Variants in PADI1 observed in about 807,000 individuals in gnomAD.
The protein encoded by PADI1 is peptidyl arginine deiminase 1.
A neutral mutation model predicts 74.8 loss-of-function variants in PADI1; 65 were observed. The observed-to-expected ratio is 0.87, with a 90% CI of 0.71 to 1.07. The LOEUF (loss-of-function observed/expected upper bound fraction) is 1.07. Ranked by LOEUF, PADI1 falls within the 50% of genes least tolerant of loss-of-function variation. The pLI, the probability that PADI1 is intolerant of heterozygous loss-of-function variation, is 0.00. For missense variants in PADI1, 943 were observed against 854.0 expected (o/e 1.10, Z -1.30); for synonymous variants, 371 against 336.2 (o/e 1.10, Z -1.13).
rs200814655 is a variant in PADI1, at chr1:17,244,162, C to T, written c.1911C>T (p.His637=). 35 of 1,614,112 alleles carry T rather than the reference C, an allele frequency of 2.2e-5. No homozygotes were observed. The highest frequency in any genetic ancestry group is 6.7e-5 in the East Asian group (3 of 44,896). Residue 637 remains histidine (H), a synonymous_variant, in exon 16 of 16, where the codon CAC becomes CAT. Transcript: ENST00000375471. The part of the protein sequence containing the change: ...CIFIDDYLSY[H]ELQGEIHCGT... Reference sequence around the variant, plus strand: ...TCATTGATGACTACTTGTCCTACCACGAGCTGCAGGGGGAGATCCACTGTG... The same window carrying T: ...TCATTGATGACTACTTGTCCTACCATGAGCTGCAGGGGGAGATCCACTGTG...
chr1:17,225,837 C>T lies in PADI1; in HGVS notation c.435C>T (p.Gly145=). 6.2e-7 allele frequency: 1 copy of T among 1,614,092 alleles called. No individual in the cohort carries two copies. The highest frequency in any genetic ancestry group is 8.5e-7 in the Non-Finnish European group (1 of 1,179,986). Residue 145 remains glycine, a synonymous_variant, in exon 5 of 16, where the codon GGC becomes GGT. Coordinates refer to ENST00000375471, the MANE Select transcript of PADI1 (RefSeq NM_013358.3). ...DKKTWRWGPE[G]YGAILLVNCD... ...AAACCTGGCGCTGGGGCCCTGAGGG[C>T]TATGGGGCTATCTTGCTGGTGAACT...
At position 17,228,891 on chromosome 1, in the gene PADI1, G is replaced by A. The variant is rs2072403077; in HGVS notation, c.826-57G>A. 5.1e-6 allele frequency: 8 copies of A among 1,579,274 alleles called. No homozygotes were observed. In the Admixed American group the frequency reaches 1.4e-4, roughly 27 times the overall value. On this transcript the variant is annotated intron_variant, in intron 7 of 15. Transcript: ENST00000375471. ...GCTGGGCAGGCTGGGGGCTGGGGGG[G>A]CTTGAGGCAGGCTAGGGGTCCCTGC...
chr1:17,213,811 G>A (rs1033318320), intron 1 of PADI1, among the ~76,000 whole-genome samples: 6 of 152,208 alleles, frequency 3.9e-5, no homozygotes, highest in African/African-American at 1.4e-4. Context: ...GCGGGCAGGG[G>A]TGGAGAGTAG....
At position 17,222,314 on chromosome 1, in the gene PADI1, C is replaced by T. The variant is rs749121290; in HGVS notation, c.117C>T (p.Ser39=). 68 of 1,613,982 alleles carry T rather than the reference C, an allele frequency of 4.2e-5. No individual in the cohort carries two copies. The highest frequency in any genetic ancestry group is 5.5e-5 in the Non-Finnish European group (65 of 1,179,958). ...GTGATGTGCCCAAGGGTGCCAACAG[C>T]TTCAGGGTCTCTGGAAGCTCCGGGG... ...IHSDVPKGAN[S]FRVSGSSGVE... Residue 39 remains serine, a synonymous_variant, in exon 2 of 16, where the codon AGC becomes AGT. Coordinates refer to ENST00000375471, the MANE Select transcript of PADI1 (RefSeq NM_013358.3).
At chr1:17,215,720 G>A (rs868447346) in intron 1 of PADI1, among the ~76,000 whole-genome samples, 3 of 152,180 alleles carry the variant, frequency 2.0e-5, no homozygotes, top group East Asian at 1.9e-4. Flanking sequence ...ATCCTGAGTC[G>A]CTGTGTCCTT....
rs116788757 is a variant in PADI1, at chr1:17,241,359, G to A, written c.1758+599G>A. Among the ~76,000 whole-genome samples, 585 of 152,382 alleles carry A rather than the reference G, an allele frequency of 3.8e-3. 3 individuals are homozygous for A. The highest frequency in any genetic ancestry group is 0.014 in the African/African-American group (563 of 41,594). On this transcript the variant is annotated intron_variant, in intron 15 of 15. Transcript: ENST00000375471. ...TCTTGGGAAAGGATGTTGGGGTGTT[G>A]GCAGCTGGCAGGGATGGTCCCCCGG...
Position 17,238,613 on chromosome 1 carries a change from C to T in PADI1, c.1459-3C>T, listed in dbSNP as rs2072705631. The T allele has an allele frequency of 6.7e-7, 1 of 1,481,980 alleles. No individual in the cohort carries two copies. Among genetic ancestry groups the T allele is most frequent in the East Asian group, 2.6e-5 (1 of 38,562 alleles). The allele number at this position is 1,481,980 out of a possible 1,614,324, so 91.8% of individuals were successfully genotyped here. On this transcript the variant is annotated splice_region_variant and splice_polypyrimidine_tract_variant and intron_variant, in intron 12 of 15. Coordinates refer to ENST00000375471, the MANE Select transcript of PADI1 (RefSeq NM_013358.3). Reference sequence around the variant, plus strand: ...TGAGCCATTCTCCCTCCCTCCGTGCCAGGGCTTCCGGCTGCTCCTGGCTAG... The same window carrying T: ...TGAGCCATTCTCCCTCCCTCCGTGCTAGGGCTTCCGGCTGCTCCTGGCTAG...
intron 14 of PADI1, chr1:17,240,312 C>T (rs1359974918): frequency 3.7e-6 from 1 of 271,452 alleles, no homozygotes; most frequent in Non-Finnish European, 7.1e-6. Context: ...GCGCTTTCTC[C>T]TAAGCTGCTG....
chr1:17,228,909 G>A, intron 7 of PADI1, 39 bp from the exon 8 acceptor site: 2 of 1,570,300 alleles, frequency 1.3e-6, no homozygotes, highest in South Asian at 1.1e-5. Context: ...CAGGCTAGGG[G>A]TCCCTGCAGG....
chr1:17,206,421 A>T (rs1406351586), intron 1 of PADI1, among the ~76,000 whole-genome samples: 1 of 152,004 alleles, frequency 6.6e-6, no homozygotes, highest in Admixed American at 6.5e-5. Flanking sequence ...GAGCCATGGA[A>T]ACCAAACCTT....
rs1159767287 is a variant in PADI1 at position 17,244,126 on chromosome 1, G to A, written c.1875G>A (p.Leu625=). The change falls in exon 16 of 16, where the codon CTG becomes CTA. Residue 625 remains leucine (L), a synonymous_variant. Coordinates refer to ENST00000375471, the MANE Select transcript of PADI1 (RefSeq NM_013358.3). ...KVQSLLEPLG[L]HCIFIDDYLS... ...AGTCCCTGCTGGAGCCTCTGGGCCT[G>A]CACTGCATCTTCATTGATGACTACT... 6.2e-7 allele frequency: 1 copy of A among 1,614,228 alleles called. No homozygotes were observed. Among genetic ancestry groups the A allele is most frequent in the Non-Finnish European group, 8.5e-7 (1 of 1,180,024 alleles).
rs1177646806 is a variant in PADI1 at position 17,244,536 on chromosome 1, G to A, written c.*293G>A. 3 of 503,746 alleles carry A rather than the reference G, an allele frequency of 6.0e-6. No homozygotes were observed. Among genetic ancestry groups the A allele is most frequent in the Non-Finnish European group, 1.2e-5 (3 of 258,982 alleles). The allele number at this position is 503,746 out of a possible 1,614,324, so 31.2% of individuals were successfully genotyped here. ...GCATGTTCCAGAATGGCTGTGGGAG[G>A]CCTAGGGAGATGGGCCCCACTTAGA... On this transcript the variant is annotated 3_prime_UTR_variant, in exon 16 of 16. Transcript: ENST00000375471.
intron 9 of PADI1, 58 bp downstream of exon 9, chr1:17,230,266 C>A: frequency 6.3e-7 from 1 of 1,580,864 alleles, no homozygotes; most frequent in Non-Finnish European, 8.6e-7. Flanking sequence ...AGGGAAGCCG[C>A]ACAGGTGCCT....
At chr1:17,220,593 T>G (rs1029395782) in intron 1 of PADI1, among the ~76,000 whole-genome samples, 6 of 152,108 alleles carry the variant, frequency 3.9e-5, no homozygotes, top group Admixed American at 3.9e-4. Context: ...ATCTTTGTAG[T>G]CAGGTGGATG....
chr1:17,217,930 A>T (rs2072024512), intron 1 of PADI1, among the ~76,000 whole-genome samples: 1 of 152,258 alleles, frequency 6.6e-6, no homozygotes, highest in African/African-American at 2.4e-5. Context: ...CCAAAAATTG[A>T]TGAAATGTTC....
At chr1:17,240,571 G>A in intron 14 of PADI1, 64 bp from the exon 15 acceptor site, 1 of 1,580,914 alleles carries the variant, frequency 6.3e-7, no homozygotes, top group Non-Finnish European at 8.6e-7. Flanking sequence ...CCAGCGCACA[G>A]TAGGTGCTTG....
chr1:17,215,892 G>A (rs1277744968), intron 1 of PADI1, among the ~76,000 whole-genome samples: 1 of 152,222 alleles, frequency 6.6e-6, no homozygotes, highest in Non-Finnish European at 1.5e-5. Context: ...TGGCTGGGAG[G>A]TGGCCGGTGC....
intron 8 of PADI1, among the ~76,000 whole-genome samples, chr1:17,229,545 C>G (rs1019889944): frequency 2.6e-5 from 4 of 152,210 alleles, no homozygotes; most frequent in Non-Finnish European, 2.9e-5. Context: ...TTGGCAAAGC[C>G]CTGCCAGGCC....
chr1:17,227,550 TA>T (rs2072353301), intron 6 of PADI1, among the ~76,000 whole-genome samples: 1 of 141,866 alleles, frequency 7.0e-6, no homozygotes, highest in African/African-American at 2.5e-5. Flanking sequence ...AATAAATAAA[TA>T]AATAAATAAA....
Sources: gnomAD v4.1 joint callset for allele counts (sites outside exome capture counted in the v4.1 genomes callset) on GRCh38, gnomAD v4.1.1 for gene constraint, MANE v1.5 for transcripts, NCBI Gene and HGNC (gene_info 2026-07-23, HGNC 2026-07-21) for gene names.